Variants in SMYD3 observed in about 807,000 individuals in gnomAD.
SMYD3 encodes the protein SET and MYND domain containing 3.
A neutral mutation model predicts 57.7 loss-of-function variants in SMYD3; 36 were observed. The observed-to-expected ratio is 0.62, with a 90% CI of 0.48 to 0.82. SMYD3 has a LOEUF of 0.82. Among genes scored for constraint, SMYD3 ranks in the 40% least tolerant of loss-of-function variants. SMYD3 has a pLI of 0.00. For missense variants in SMYD3, 515 were observed against 538.8 expected (o/e 0.96, Z 0.44); for synonymous variants, 211 against 195.0 (o/e 1.08, Z -0.68).
intron 5 of SMYD3, among the ~76,000 whole-genome samples, chr1:246,073,003 G>A (rs1269234056): frequency 1.3e-5 from 2 of 152,176 alleles, no homozygotes; most frequent in Non-Finnish European, 2.9e-5. Flanking sequence ...GACTGTATTT[G>A]TGGCAGTGAC....
intron 10 of SMYD3, among the ~76,000 whole-genome samples, chr1:245,852,671 C>G (rs2051037881): frequency 6.6e-6 from 1 of 152,190 alleles, no homozygotes; most frequent in Admixed American, 6.5e-5. Flanking sequence ...CATCTTCCCT[C>G]TTTCTCTATT....
rs2067307398 is a variant in SMYD3, at chr1:246,432,175, C to T, written c.164+74879G>A. Among the ~76,000 whole-genome samples the T allele has an allele frequency of 2.0e-5, 3 of 152,152 alleles. No individual in the cohort carries two copies. The South Asian group carries it at 6.2e-4, about 32-fold the overall frequency. ...TATCAGAACCATTTATTTTCCACTGCATAATAGCAGAACTATCAGTTATGT... is the reference window on the plus strand; with the variant it reads ...TATCAGAACCATTTATTTTCCACTGTATAATAGCAGAACTATCAGTTATGT... On this transcript the variant is annotated intron_variant, in intron 1 of 11. Coordinates refer to ENST00000490107, the MANE Select transcript of SMYD3 (RefSeq NM_001167740.2).
At chr1:246,163,901 A>T (rs1357109795) in intron 5 of SMYD3, among the ~76,000 whole-genome samples, 3 of 152,210 alleles carry the variant, frequency 2.0e-5, no homozygotes, top group Non-Finnish European at 4.4e-5. Context: ...AGAAATAATG[A>T]CAGAGGAAAG....
intron 1 of SMYD3, among the ~76,000 whole-genome samples, chr1:246,439,804 G>C (rs1391536769): frequency 6.6e-6 from 1 of 152,116 alleles, no homozygotes; most frequent in African/African-American, 2.4e-5. Flanking sequence ...AGAAAAATTA[G>C]CTGGGAGTGG....
intron 8 of SMYD3, among the ~76,000 whole-genome samples, chr1:245,884,243 G>T (rs1476819660): frequency 1.3e-5 from 2 of 152,180 alleles, no homozygotes; most frequent in African/African-American, 4.8e-5. Flanking sequence ...CCCTGACCAT[G>T]ATGCAGCATG....
chr1:246,209,927 C>T (rs2063061194), intron 5 of SMYD3, among the ~76,000 whole-genome samples: 1 of 152,158 alleles, frequency 6.6e-6, no homozygotes, highest in Non-Finnish European at 1.5e-5. Flanking sequence ...TTAGTAGCCT[C>T]CCCGTTCATG....
At chr1:245,980,589 T>TG (rs1558555371) in intron 5 of SMYD3, among the ~76,000 whole-genome samples, 2 of 152,224 alleles carry the variant, frequency 1.3e-5, no homozygotes, top group Non-Finnish European at 2.9e-5. Flanking sequence ...GTAGAACAAA[T>TG]TAGGGTGATG....
chr1:245,824,583 C>T (rs1254696210), intron 10 of SMYD3, among the ~76,000 whole-genome samples: 3 of 152,078 alleles, frequency 2.0e-5, no homozygotes, highest in African/African-American at 4.8e-5. Flanking sequence ...CAGCCAGGCA[C>T]GTTGGCTCAC....
intron 1 of SMYD3, among the ~76,000 whole-genome samples, chr1:246,438,931 T>C (rs2067422608): frequency 6.6e-6 from 1 of 151,604 alleles, no homozygotes; most frequent in Non-Finnish European, 1.5e-5. Context: ...GCTCAGGCAA[T>C]AATGCTCGTT....
rs113873529 is a variant in SMYD3, at chr1:246,155,982, GTC to G, written c.531+171217_531+171218del. The stretch of plus-strand genomic sequence containing the variant: ...AGCCTGGGTGACAGAGCGAGACTAT[GTC>G]TTCAAAAAAAAAAAAATATATCGAC... On this transcript the variant is annotated intron_variant, in intron 5 of 11. Transcript: ENST00000490107. Among the ~76,000 whole-genome samples, 242 of 150,076 alleles carry G rather than the reference GTC, an allele frequency of 1.6e-3. 1 individual carries two copies. The highest frequency in any genetic ancestry group is 5.5e-3 in the African/African-American group (224 of 40,708).
In SMYD3 at chr1:245,929,859, A is replaced by G. The variant is rs538745808; in HGVS notation, c.599+11T>C. The G allele has an allele frequency of 5.0e-6, 8 of 1,606,610 alleles. No individual in the cohort carries two copies. In the African/African-American group the frequency reaches 1.1e-4, roughly 21 times the overall value. ...TGTGTCTTCCAGTACATGAAGTACC[A>G]TACACCATACCTGGGATATAGGCCA... On this transcript the variant is annotated intron_variant, in intron 6 of 11. Coordinates refer to ENST00000490107, the MANE Select transcript of SMYD3 (RefSeq NM_001167740.2).
At chr1:245,972,636 C>G (rs114555539) in intron 5 of SMYD3, among the ~76,000 whole-genome samples, 3,611 of 152,326 alleles carry the variant, frequency 0.024, 128 homozygotes, top group African/African-American at 0.076. Flanking sequence ...GAATCAGGCA[C>G]AGCTACGTGA....
intron 5 of SMYD3, among the ~76,000 whole-genome samples, chr1:246,276,032 G>C (rs2064324419): frequency 9.2e-6 from 1 of 109,198 alleles, no homozygotes; most frequent in African/African-American, 3.1e-5. Context: ...TTTTTCACTA[G>C]TCGTATTAAC....
chr1:246,456,946 T>C (rs779576117), intron 1 of SMYD3, among the ~76,000 whole-genome samples: 2 of 152,212 alleles, frequency 1.3e-5, no homozygotes, highest in Non-Finnish European at 2.9e-5. Context: ...AATCCAAATC[T>C]GGCTCTAGGT....
intron 5 of SMYD3, among the ~76,000 whole-genome samples, chr1:246,197,801 G>T (rs1369721330): frequency 6.6e-6 from 1 of 151,904 alleles, no homozygotes; most frequent in Non-Finnish European, 1.5e-5. Context: ...GGGAAAACTG[G>T]GTACAGAATA....
intron 7 of SMYD3, among the ~76,000 whole-genome samples, chr1:245,923,462 T>C (rs1334757193): frequency 6.6e-6 from 1 of 152,150 alleles, no homozygotes; most frequent in Admixed American, 6.5e-5. Flanking sequence ...AAGGCTCCCA[T>C]GGGGTTTGTC....
At chr1:246,420,400 G>A (rs987897089) in intron 1 of SMYD3, among the ~76,000 whole-genome samples, 4 of 152,162 alleles carry the variant, frequency 2.6e-5, no homozygotes, top group African/African-American at 4.8e-5. Context: ...TTCACAGCAC[G>A]CAATAAACAT....
intron 10 of SMYD3, among the ~76,000 whole-genome samples, chr1:245,835,291 T>C (rs2050052434): frequency 6.6e-6 from 1 of 152,034 alleles, no homozygotes; most frequent in South Asian, 2.1e-4. Context: ...AGCTAATTTT[T>C]GTATTTTTAG....
chr1:246,197,319 G>A (rs2148348624), intron 5 of SMYD3, among the ~76,000 whole-genome samples: 2 of 152,194 alleles, frequency 1.3e-5, no homozygotes, highest in South Asian at 2.1e-4. Flanking sequence ...GGAAAAGGAG[G>A]AGCTCTGCAG....
Sources: gnomAD v4.1 joint callset for allele counts (sites outside exome capture counted in the v4.1 genomes callset) on GRCh38, gnomAD v4.1.1 for gene constraint, MANE v1.5 for transcripts, NCBI Gene and HGNC (gene_info 2026-07-23, HGNC 2026-07-21) for gene names.